The following KCTD8 variants were observed in gnomAD, a reference collection of about 807,000 sequenced individuals.
The protein encoded by KCTD8 is BTB/POZ domain-containing protein KCTD8.
A neutral mutation model predicts 31.5 loss-of-function variants in KCTD8; 27 were observed. That is an observed-to-expected ratio of 0.86 (90% CI 0.63 to 1.18). KCTD8 has a LOEUF of 1.18. KCTD8 is among the 50% of genes most tolerant of loss of function. The probability of loss-of-function intolerance (pLI) is 0.00; values close to 1 mark genes in which losing one functional copy is unlikely to be tolerated. For missense variants in KCTD8, 658 were observed against 647.7 expected (o/e 1.02, Z -0.17); for synonymous variants, 290 against 280.0 (o/e 1.04, Z -0.36).
At chr4:44,381,542 T>C (rs1240445187) in intron 1 of KCTD8, among the ~76,000 whole-genome samples, 2 of 152,092 alleles carry the variant, frequency 1.3e-5, no homozygotes, top group Non-Finnish European at 2.9e-5. Context: ...AAGTAGACTT[T>C]AAGTCAAAAA....
intron 1 of KCTD8, among the ~76,000 whole-genome samples, chr4:44,270,748 G>A (rs979123905): frequency 5.9e-5 from 9 of 151,984 alleles, no homozygotes; most frequent in East Asian, 3.9e-4. Flanking sequence ...TTTACTTTAC[G>A]AAATGTATTT....
intron 1 of KCTD8, among the ~76,000 whole-genome samples, chr4:44,285,512 C>T (rs1268358905): frequency 6.6e-6 from 1 of 151,966 alleles, no homozygotes; most frequent in African/African-American, 2.4e-5. Flanking sequence ...AGGAGAAATA[C>T]CAAATGTAGG....
rs189933758 is a variant in KCTD8 at position 44,174,128 on chromosome 4, A to G, written c.*662T>C. On this transcript the variant is annotated 3_prime_UTR_variant, in exon 2 of 2. Coordinates refer to ENST00000360029, the MANE Select transcript of KCTD8 (RefSeq NM_198353.3). ...ATATTTACACCATCTTAATATACAT[A>G]AACACCATACACATACACAAAAAAG... The G allele has an allele frequency of 8.1e-4, 124 of 152,498 alleles. No individual in the cohort carries two copies. The highest frequency in any genetic ancestry group is 2.8e-3 in the African/African-American group (118 of 41,568). The allele number at this position is 152,498 out of a possible 1,614,324, so 9.4% of individuals were successfully genotyped here.
At chr4:44,405,817 CAAAAAAAAAAAAAA>C (rs903559298) in intron 1 of KCTD8, among the ~76,000 whole-genome samples, 19 of 32,230 alleles carry the variant, frequency 5.9e-4, no homozygotes, top group East Asian at 1.6e-3. Flanking sequence ...TCCTGTTTCT[CAAAAAAAAAAAAAA>C]AAAAAAAAAA....
chr4:44,355,225 T>C (rs894230621), intron 1 of KCTD8, among the ~76,000 whole-genome samples: 3 of 152,178 alleles, frequency 2.0e-5, no homozygotes, highest in Non-Finnish European at 2.9e-5. Flanking sequence ...TATCAAAACA[T>C]GATTTTTTTC....
At chr4:44,403,768 A>T (rs543899587) in intron 1 of KCTD8, among the ~76,000 whole-genome samples, 1 of 152,274 alleles carries the variant, frequency 6.6e-6, no homozygotes, top group African/African-American at 2.4e-5. Flanking sequence ...ACTTCAACAT[A>T]TGAATTTTGA....
chr4:44,335,455 A>T (rs1718713978), intron 1 of KCTD8, among the ~76,000 whole-genome samples: 1 of 152,126 alleles, frequency 6.6e-6, no homozygotes, highest in Non-Finnish European at 1.5e-5. Context: ...CTGAACCTAT[A>T]ATAAAAGTTG....
chr4:44,433,134 T>TA (rs987446346), intron 1 of KCTD8, among the ~76,000 whole-genome samples: 4 of 151,766 alleles, frequency 2.6e-5, no homozygotes, highest in African/African-American at 9.7e-5. Context: ...TTAATGGATC[T>TA]AAAATTGACT....
chr4:44,257,949 T>G (rs1716036731), intron 1 of KCTD8, among the ~76,000 whole-genome samples: 1 of 152,018 alleles, frequency 6.6e-6, no homozygotes. Context: ...CATTCTTCAA[T>G]AGGAACATTG....
chr4:44,397,723 T>A (rs1184560353), intron 1 of KCTD8, among the ~76,000 whole-genome samples: 1 of 152,164 alleles, frequency 6.6e-6, no homozygotes, highest in Non-Finnish European at 1.5e-5. Flanking sequence ...TACAAAAAAA[T>A]GAAGTAATTC....
At position 44,448,291 on chromosome 4, in the gene KCTD8, C is replaced by T. The variant is rs181797127; in HGVS notation, c.233G>A (p.Ser78Asn). 9.3e-5 allele frequency: 150 copies of T among 1,608,042 alleles called. 1 individual carries two copies. The Admixed American group carries it at 1.5e-3, about 16-fold the overall frequency. ...CCGGCGCCGGGCGCCGCCACGGGGA[C>T]TAGAGGGCGAGAACATGCTGGCCAA... ...STLASMFSPS[S>N]PRGGARRRGE... The change falls in exon 1 of 2, where the codon AGT becomes AAT. Residue 78 changes from serine to asparagine, a missense_variant. Coordinates refer to ENST00000360029, the MANE Select transcript of KCTD8 (RefSeq NM_198353.3). This position sits in a 1 kb window ranked among gnomAD's most constrained non-coding sequence, Gnocchi z 4.1.
chr4:44,343,766 T>A (rs879610455), intron 1 of KCTD8, among the ~76,000 whole-genome samples: 10 of 152,218 alleles, frequency 6.6e-5, no homozygotes, highest in Non-Finnish European at 1.0e-4. Context: ...ATTAGTAAAC[T>A]GTAACAAAAA....
At chr4:44,193,630 C>G (rs1206008003) in intron 1 of KCTD8, among the ~76,000 whole-genome samples, 2 of 150,542 alleles carry the variant, frequency 1.3e-5, no homozygotes, top group African/African-American at 4.9e-5. Flanking sequence ...TATTTTACAT[C>G]TAGGTATTTT....
chr4:44,359,669 C>A (rs957323571), intron 1 of KCTD8, among the ~76,000 whole-genome samples: 1 of 151,960 alleles, frequency 6.6e-6, no homozygotes, highest in African/African-American at 2.4e-5. Context: ...GCTTGTGAGA[C>A]CTAACTTATG....
intron 1 of KCTD8, among the ~76,000 whole-genome samples, chr4:44,441,421 A>G (rs561561631): frequency 6.4e-4 from 97 of 152,266 alleles, no homozygotes; most frequent in African/African-American, 2.3e-3. Context: ...GCAAGACATA[A>G]AGTATATATT....
At chr4:44,278,512 C>A (rs1240690266) in intron 1 of KCTD8, among the ~76,000 whole-genome samples, 4 of 151,886 alleles carry the variant, frequency 2.6e-5, no homozygotes, top group Non-Finnish European at 5.9e-5. Flanking sequence ...ATGAAGGGAG[C>A]AGCACATTTG....
intron 1 of KCTD8, among the ~76,000 whole-genome samples, chr4:44,208,922 T>C (rs903888432): frequency 2.5e-4 from 38 of 152,294 alleles, no homozygotes; most frequent in African/African-American, 8.9e-4. Context: ...TTGTCCATGA[T>C]CTAAATCTGT....
intron 1 of KCTD8, among the ~76,000 whole-genome samples, chr4:44,317,890 T>A (rs1425737378): frequency 6.6e-6 from 1 of 152,196 alleles, no homozygotes; most frequent in East Asian, 1.9e-4. Context: ...TTCTCAGGAT[T>A]TATCTGGATG....
chr4:44,288,861 G>A (rs1174611964), intron 1 of KCTD8, among the ~76,000 whole-genome samples: 1 of 151,884 alleles, frequency 6.6e-6, no homozygotes, highest in Non-Finnish European at 1.5e-5. Flanking sequence ...GGTCAGAAAA[G>A]GCAGGTAACA....
Sources: gnomAD v4.1 joint callset for allele counts (sites outside exome capture counted in the v4.1 genomes callset) on GRCh38, gnomAD v4.1.1 for gene constraint, Gnocchi (gnomAD v3.1) non-coding constraint, MANE v1.5 for transcripts, NCBI Gene and HGNC (gene_info 2026-07-23, HGNC 2026-07-21) for gene names.